The following METTL14 variants were observed in gnomAD, a reference collection of about 807,000 sequenced individuals.
METTL14 encodes the protein N(6)-adenosine-methyltransferase non-catalytic subunit METTL14.
Under a neutral mutation model 62.4 loss-of-function variants are expected in METTL14, and 32 were observed. That is an observed-to-expected ratio of 0.51 (90% CI 0.39 to 0.69). METTL14 has a LOEUF of 0.69. Among genes scored for constraint, METTL14 ranks in the 30% least tolerant of loss-of-function variants. The pLI is 0.00. For synonymous variants in METTL14, 150 were observed against 180.0 expected (o/e 0.83, Z 1.34); for missense variants, 340 against 551.9 (o/e 0.62, Z 3.85).
intron 10 of METTL14, among the ~76,000 whole-genome samples, chr4:118,708,700 A>G (rs1560885750): frequency 2.0e-5 from 3 of 152,194 alleles, no homozygotes; most frequent in Admixed American, 2.0e-4. Context: ...TTTATGATGC[A>G]TCTACTTTTC....
At chr4:118,689,295 C>A in intron 2 of METTL14, 75 bp from the exon 3 acceptor site, 1 of 710,756 alleles carries the variant, frequency 1.4e-6, no homozygotes, top group Non-Finnish European at 2.2e-6. Context: ...TTTTTATAAC[C>A]TGTTTATTAT....
chr4:118,710,353 A>G lies in METTL14; in HGVS notation c.*51A>G. On this transcript the variant is annotated 3_prime_UTR_variant, in exon 11 of 11. Transcript: ENST00000388822. Reference sequence around the variant, plus strand: ...TCCTCCTCTAACCTTCTTTATTGTAATTAAATTTCAAGTGGGAGACTTAAC... The same window carrying G: ...TCCTCCTCTAACCTTCTTTATTGTAGTTAAATTTCAAGTGGGAGACTTAAC... 6.7e-7 allele frequency: 1 copy of G among 1,500,260 alleles called. No homozygotes were observed. Among genetic ancestry groups the G allele is most frequent in the South Asian group, 1.4e-5 (1 of 73,978 alleles). The allele number at this position is 1,500,260 out of a possible 1,614,324, so 92.9% of individuals were successfully genotyped here.
intron 2 of METTL14, among the ~76,000 whole-genome samples, chr4:118,688,681 A>C (rs1724150780): frequency 6.6e-6 from 1 of 152,138 alleles, no homozygotes; most frequent in African/African-American, 2.4e-5. Flanking sequence ...AGTATATTTA[A>C]ACATTTTTTT....
At chr4:118,707,149 A>G (rs1010062293) in intron 10 of METTL14, among the ~76,000 whole-genome samples, 2 of 151,988 alleles carry the variant, frequency 1.3e-5, no homozygotes, top group African/African-American at 4.8e-5. Context: ...TTAGATTGAT[A>G]TTCAGGTTAG....
chr4:118,714,105 G>A lies in METTL14; in HGVS notation c.*3803G>A, dbSNP rs1236976986. ...AATTGACAACCTAGAAGTCAACAAT[G>A]TAAAATGCATATGGGACTCTATATT... On this transcript the variant is annotated 3_prime_UTR_variant, in exon 11 of 11. Coordinates refer to ENST00000388822, the MANE Select transcript of METTL14 (RefSeq NM_020961.4). 6.6e-6 allele frequency: 1 copy of A among 152,216 alleles called. No homozygotes were observed. Among genetic ancestry groups the A allele is most frequent in the Non-Finnish European group, 1.5e-5 (1 of 68,034 alleles). The allele number at this position is 152,216 out of a possible 1,614,324, so 9.4% of individuals were successfully genotyped here. A position where few individuals can be genotyped will look rare whatever the true frequency, so the allele number is the denominator to read the frequency against.
chr4:118,689,031 C>G (rs1357965298), intron 2 of METTL14, among the ~76,000 whole-genome samples: 1 of 152,148 alleles, frequency 6.6e-6, no homozygotes, highest in Non-Finnish European at 1.5e-5. Context: ...TTTGGTAGTT[C>G]AGAAAGCATT....
chr4:118,690,201 C>T (rs753081495), intron 3 of METTL14, among the ~76,000 whole-genome samples: 5 of 149,680 alleles, frequency 3.3e-5, no homozygotes, highest in African/African-American at 9.8e-5. Context: ...CCACGACGCC[C>T]GGCTATTTTT....
intron 8 of METTL14, among the ~76,000 whole-genome samples, 197 bp from the exon 9 acceptor site, chr4:118,703,738 A>T (rs1724675759): frequency 6.6e-6 from 1 of 152,232 alleles, no homozygotes. Flanking sequence ...AAAGATATAT[A>T]TGCATTCCGT....
chr4:118,687,791 G>GT, intron 1 of METTL14, 132 bp from the exon 2 acceptor site: 1 of 284,556 alleles, frequency 3.5e-6, no homozygotes, highest in African/African-American at 2.7e-5. Context: ...TCATTGTTTT[G>GT]TGTGTGTGTG....
At position 118,710,329 on chromosome 4, in the gene METTL14, C is replaced by A; in HGVS notation, c.*27C>A. On this transcript the variant is annotated 3_prime_UTR_variant, in exon 11 of 11. Coordinates refer to ENST00000388822, the MANE Select transcript of METTL14 (RefSeq NM_020961.4). ...TGTTGAAGACATTGAACCTATTCAT[C>A]CTCCTCTAACCTTCTTTATTGTAAT... The A allele has an allele frequency of 1.9e-6, 3 of 1,556,172 alleles. No homozygotes were observed. Among genetic ancestry groups the A allele is most frequent in the South Asian group, 1.2e-5 (1 of 82,228 alleles).
At position 118,692,019 on chromosome 4, in the gene METTL14, A is replaced by G; in HGVS notation, c.363A>G (p.Gln121=). 1 of 1,612,496 alleles carries G rather than the reference A, an allele frequency of 6.2e-7. No homozygotes were observed. The highest frequency in any genetic ancestry group is 1.3e-5 in the African/African-American group (1 of 74,930). The change falls in exon 5 of 11, where the codon CAA becomes CAG. Residue 121 remains glutamine, a synonymous_variant. Coordinates refer to ENST00000388822, the MANE Select transcript of METTL14 (RefSeq NM_020961.4). ...QSLNPHNDYC[Q]HFVDTGHRPQ... ...TAAATCCCCATAATGATTACTGCCA[A>G]CATTTTGTAGACACTGGACATAGAC... is the stretch of plus-strand genomic sequence containing the variant.
Position 118,697,215 on chromosome 4 carries a change from C to G in METTL14, c.537C>G (p.Ile179Met). The G allele has an allele frequency of 6.2e-7, 1 of 1,611,240 alleles. No homozygotes were observed. The highest frequency in any genetic ancestry group is 8.5e-7 in the Non-Finnish European group (1 of 1,178,818). ...AAGCCGATATAGAAGCCTTTGACAT[C>G]AGAGAACTAACACCCAAATTTGATG... ...YLQADIEAFD[I>M]RELTPKFDVI... The change falls in exon 7 of 11, where the codon ATC becomes ATG. Residue 179 changes from isoleucine (I) to methionine (M), a missense_variant. Physicochemically the swap from Ile to Met is conservative, Grantham distance 10. Around this residue, in one of 7 missense-constraint regions of METTL14, gnomAD observed 41 missense variants for 44.0 expected, o/e 0.93. Transcript: ENST00000388822.
intron 3 of METTL14, 56 bp downstream of exon 3, chr4:118,689,513 G>A (rs1270056999): frequency 2.0e-6 from 2 of 1,016,186 alleles, no homozygotes; most frequent in Non-Finnish European, 1.5e-6. Context: ...CCAAATGATA[G>A]ATTCATATCC....
chr4:118,686,652 C>G (rs1361721961), intron 1 of METTL14: 1 of 456,178 alleles, frequency 2.2e-6, no homozygotes, highest in African/African-American at 2.0e-5. Context: ...AGTATCCTTT[C>G]TAAGTCTTCT....
At position 118,710,000 on chromosome 4, in the gene METTL14, T is replaced by C. The variant is rs752108482; in HGVS notation, c.1069T>C (p.Trp357Arg). 1 of 1,588,106 alleles carries C rather than the reference T, an allele frequency of 6.3e-7. No individual in the cohort carries two copies. The highest frequency in any genetic ancestry group is 8.6e-7 in the Non-Finnish European group (1 of 1,168,430). ...AATCTTTTTTTCCTCCATTTCAGGCTGGCTCACAGTTGGACCAACGCTTAC... is the reference window on the plus strand; with the variant it reads ...AATCTTTTTTTCCTCCATTTCAGGCCGGCTCACAGTTGGACCAACGCTTAC... The part of the protein sequence containing the change: ...FGRDSTIRPG[W>R]LTVGPTLTNS... Residue 357 changes from tryptophan (W) to arginine (R), a missense_variant and splice_region_variant, in exon 11 of 11, where the codon TGG becomes CGG. By Grantham distance (101) the Trp-to-Arg change is moderately radical. This residue lies in a region of METTL14 where 62 missense variants were observed against 82.3 expected (regional missense o/e 0.75). Transcript: ENST00000388822.
chr4:118,686,319 G>A (rs1724057632), intron 1 of METTL14, among the ~76,000 whole-genome samples: 3 of 152,200 alleles, frequency 2.0e-5, no homozygotes, highest in South Asian at 4.1e-4. Flanking sequence ...TTGTGTATGA[G>A]TAAGTTAACA....
intron 2 of METTL14, among the ~76,000 whole-genome samples, 168 bp downstream of exon 2, chr4:118,688,179 T>TA (rs1724134306): frequency 6.6e-6 from 1 of 151,810 alleles, no homozygotes; most frequent in African/African-American, 2.4e-5. Context: ...AGATTACAGA[T>TA]ATGAGCCACT....
At chr4:118,700,798 T>C (rs1021537473) in intron 8 of METTL14, among the ~76,000 whole-genome samples, 156 bp downstream of exon 8, 5 of 152,128 alleles carry the variant, frequency 3.3e-5, no homozygotes. Flanking sequence ...GAAAAGAACG[T>C]AAGAAAGGCA....
intron 2 of METTL14, 32 bp from the exon 3 acceptor site, chr4:118,689,338 A>T: frequency 8.3e-7 from 1 of 1,211,574 alleles, no homozygotes; most frequent in East Asian, 2.4e-5. Context: ...TCTTGTATAT[A>T]TTTATGGGTA....
Sources: allele counts gnomAD v4.1 joint callset (sites outside exome capture counted in the v4.1 genomes callset), GRCh38; gene constraint gnomAD v4.1.1; regional missense constraint gnomAD v4.1.1; transcripts MANE v1.5; gene names NCBI Gene and HGNC (gene_info 2026-07-23, HGNC 2026-07-21).